The following SIPA1L3 variants were observed in gnomAD, a reference collection of about 807,000 sequenced individuals.
SIPA1L3 encodes the protein signal induced proliferation associated 1 like 3.
In SIPA1L3, 59 loss-of-function variants were observed where a neutral mutation model predicts 150.1. The observed-to-expected ratio is 0.39, with a 90% CI of 0.32 to 0.49. The LOEUF is 0.49. Ranked by LOEUF, SIPA1L3 falls within the 20% of genes least tolerant of loss-of-function variation. The probability of loss-of-function intolerance (pLI) is 0.86; values close to 1 mark genes in which losing one functional copy is unlikely to be tolerated. For synonymous variants in SIPA1L3, 1,070 were observed against 1,077.6 expected, an observed-to-expected ratio of 0.99 and a Z score of 0.14; for missense variants, 2,211 against 2,489.5, an observed-to-expected ratio of 0.89 and a Z score of 2.38.
intron 1 of SIPA1L3, among the ~76,000 whole-genome samples, chr19:37,995,898 A>G (rs1967630132): frequency 6.6e-6 from 1 of 152,178 alleles, no homozygotes; most frequent in Non-Finnish European, 1.5e-5. Flanking sequence ...CTCAGTGGAA[A>G]GAGGATTTAG....
intron 15 of SIPA1L3, among the ~76,000 whole-genome samples, chr19:38,181,742 A>T (rs778453678): frequency 6.6e-6 from 1 of 150,740 alleles, no homozygotes; most frequent in Admixed American, 6.6e-5. Context: ...GCTACTGGGG[A>T]GGTTGAAGCA....
intron 2 of SIPA1L3, among the ~76,000 whole-genome samples, chr19:38,075,288 C>A (rs1169045418): frequency 6.6e-6 from 1 of 151,846 alleles, no homozygotes; most frequent in Non-Finnish European, 1.5e-5. Context: ...GAAAACCCGT[C>A]TCTACAAAAG....
intron 15 of SIPA1L3, among the ~76,000 whole-genome samples, chr19:38,181,827 C>T (rs1333994375): frequency 7.6e-6 from 1 of 132,074 alleles, no homozygotes; most frequent in Non-Finnish European, 1.6e-5. Context: ...GCCTGGGCAA[C>T]AGAGTGAGAC....
At chr19:38,085,182 G>C (rs1348834430) in intron 3 of SIPA1L3, among the ~76,000 whole-genome samples, 1 of 151,816 alleles carries the variant, frequency 6.6e-6, no homozygotes, top group Admixed American at 6.6e-5. Flanking sequence ...AAAAGAAAGG[G>C]ATAAAAAAGA....
chr19:37,938,169 C>T (rs1253221646), intron 1 of SIPA1L3, among the ~76,000 whole-genome samples: 2 of 152,220 alleles, frequency 1.3e-5, no homozygotes, highest in Non-Finnish European at 2.9e-5. Context: ...TTTTTATTTA[C>T]TGCCATGTGA....
At position 38,193,800 on chromosome 19, in the gene SIPA1L3, G is replaced by C; in HGVS notation, c.4840+20G>C. The C allele has an allele frequency of 6.5e-7, 1 of 1,543,518 alleles. No homozygotes were observed. Among genetic ancestry groups the C allele is most frequent in the Non-Finnish European group, 8.6e-7 (1 of 1,156,880 alleles). On this transcript the variant is annotated intron_variant, in intron 18 of 21. Transcript: ENST00000222345. ...AGAAATGTGAGCCTGGGCCCCCTGG[G>C]ACTGGCGCGGTAGTTACCCCAAGGT... is the stretch of plus-strand genomic sequence containing the variant.
At chr19:37,980,644 G>T (rs1184109288) in intron 1 of SIPA1L3, among the ~76,000 whole-genome samples, 1 of 151,128 alleles carries the variant, frequency 6.6e-6, no homozygotes, top group African/African-American at 2.4e-5. Flanking sequence ...AGGCATGAAG[G>T]TTCAGCAAGG....
At chr19:37,958,693 A>G (rs1331282539) in intron 1 of SIPA1L3, among the ~76,000 whole-genome samples, 2 of 152,186 alleles carry the variant, frequency 1.3e-5, no homozygotes, top group Non-Finnish European at 2.9e-5. Flanking sequence ...GACACATTGG[A>G]CTTCATGAAA....
At chr19:38,131,157 GACC>G (rs1337110017) in intron 10 of SIPA1L3, among the ~76,000 whole-genome samples, 4 of 152,318 alleles carry the variant, frequency 2.6e-5, no homozygotes, top group Non-Finnish European at 4.4e-5. Context: ...TGTTCAAAGT[GACC>G]ACAACAAAGT....
intron 1 of SIPA1L3, among the ~76,000 whole-genome samples, chr19:38,011,023 G>A (rs780750154): frequency 7.9e-5 from 12 of 152,232 alleles, no homozygotes; most frequent in Admixed American, 2.0e-4. Context: ...ATGGATGTGC[G>A]CAGATATATC....
At chr19:38,006,493 C>T (rs1418605807) in intron 1 of SIPA1L3, among the ~76,000 whole-genome samples, 1 of 152,182 alleles carries the variant, frequency 6.6e-6, no homozygotes, top group Non-Finnish European at 1.5e-5. Context: ...GACAGTCCCC[C>T]ACACTGACAT....
chr19:37,971,514 A>G (rs372282804), intron 1 of SIPA1L3, among the ~76,000 whole-genome samples: 39 of 151,876 alleles, frequency 2.6e-4, no homozygotes, highest in African/African-American at 8.7e-4. Context: ...GGAATAATGC[A>G]GTATCCATTT....
At chr19:37,960,057 GA>G (rs1315367481) in intron 1 of SIPA1L3, among the ~76,000 whole-genome samples, 8 of 151,920 alleles carry the variant, frequency 5.3e-5, no homozygotes. Flanking sequence ...GAGAAGAAAA[GA>G]AAAAATGTAT....
intron 20 of SIPA1L3, chr19:38,203,882 G>A (rs1284090641): frequency 1.7e-5 from 9 of 527,000 alleles, no homozygotes; most frequent in Non-Finnish European, 2.7e-5. Flanking sequence ...ACTTAAGGGT[G>A]GGCAGCCACC....
chr19:38,053,775 A>G (rs888892212), intron 2 of SIPA1L3, among the ~76,000 whole-genome samples: 6 of 151,896 alleles, frequency 4.0e-5, no homozygotes, highest in African/African-American at 1.5e-4. Flanking sequence ...TTTCTTGCCC[A>G]GGCTGGTCTC....
At chr19:38,187,189 C>T (rs898208156) in intron 16 of SIPA1L3, among the ~76,000 whole-genome samples, 3 of 151,218 alleles carry the variant, frequency 2.0e-5, no homozygotes, top group Admixed American at 6.6e-5. Context: ...TGGTAGCTCA[C>T]GCCTATAATC....
intron 15 of SIPA1L3, among the ~76,000 whole-genome samples, chr19:38,176,525 T>C (rs147415731): frequency 5.6e-4 from 86 of 152,226 alleles, no homozygotes; most frequent in African/African-American, 2.0e-3. Flanking sequence ...GCGTCCCAAG[T>C]AGCTGGGACT....
intron 1 of SIPA1L3, among the ~76,000 whole-genome samples, chr19:38,004,625 C>G (rs1967892710): frequency 6.6e-6 from 1 of 152,152 alleles, no homozygotes; most frequent in Admixed American, 6.6e-5. Context: ...GGTATCTGTC[C>G]CGAACTATCA....
chr19:38,184,829 A>T (rs757196772), intron 16 of SIPA1L3: 2 of 152,140 alleles, frequency 1.3e-5, no homozygotes, highest in African/African-American at 4.8e-5. Context: ...CAGCCTCCCC[A>T]TGCTCCCGGG....
Sources: allele counts gnomAD v4.1 joint callset (sites outside exome capture counted in the v4.1 genomes callset), GRCh38; gene constraint gnomAD v4.1.1; transcripts MANE v1.5; gene names NCBI Gene and HGNC (gene_info 2026-07-23, HGNC 2026-07-21).